The following LMLN variants were observed in gnomAD, a reference collection of about 807,000 sequenced individuals.
LMLN encodes the protein leishmanolysin like peptidase, also known as leishmanolysin-like peptidase.
In LMLN, 70 loss-of-function variants were observed where a neutral mutation model predicts 92.3. That is an observed-to-expected ratio of 0.76 (90% CI 0.63 to 0.92). The LOEUF (loss-of-function observed/expected upper bound fraction) is 0.92, where lower values mean the gene tolerates loss of function less well. Among genes scored for constraint, LMLN ranks in the 40% least tolerant of loss-of-function variants. The pLI is 0.00. For missense variants in LMLN, 691 were observed against 814.6 expected (o/e 0.85, Z 1.85); for synonymous variants, 308 against 296.2 (o/e 1.04, Z -0.41).
exon 16 of LMLN, chr3:198,043,051 A>G (rs1266200997): frequency 6.6e-6 from 1 of 152,112 alleles, no homozygotes; most frequent in Non-Finnish European, 1.5e-5. Flanking sequence ...TCAATATTTG[A>G]AGTTGAAACA....
chr3:197,976,314 C>T (rs1721379359), intron 4 of LMLN: 2 of 487,338 alleles, frequency 4.1e-6, no homozygotes, highest in African/African-American at 4.0e-5. Context: ...GTGAGATGGT[C>T]TACTGAATTT....
At chr3:197,961,430 C>T (rs1304158193) in intron 1 of LMLN, among the ~76,000 whole-genome samples, 2 of 152,178 alleles carry the variant, frequency 1.3e-5, no homozygotes, top group Non-Finnish European at 2.9e-5. Flanking sequence ...ATGTTACATG[C>T]ATACTCTTCA....
In LMLN at chr3:197,990,652, T is replaced by A. The variant is rs1216841863; in HGVS notation, c.1023T>A (p.Tyr341Ter). ...ATAAGATAGTTCGTCACACTGTGTA[T>A]CTCCTGGTAACGCCTCGTGTTGTTG... The change falls in exon 9 of 16, where the codon TAT becomes TAA. Residue 341 changes from tyrosine to a stop codon, truncating the protein, a stop_gained. Coordinates refer to ENST00000330198, the Ensembl canonical transcript of LMLN. LOFTEE classifies it high-confidence loss of function. 2 of 1,584,382 alleles carry A rather than the reference T, an allele frequency of 1.3e-6. No individual in the cohort carries two copies. Among genetic ancestry groups the A allele is most frequent in the South Asian group, 2.2e-5 (2 of 90,432 alleles).
chr3:198,001,804 C>G (rs1722181538), intron 11 of LMLN, among the ~76,000 whole-genome samples: 3 of 151,992 alleles, frequency 2.0e-5, no homozygotes, highest in Non-Finnish European at 4.4e-5. Flanking sequence ...ACTTTCAAGC[C>G]TATTTTTTTC....
intron 1 of LMLN, among the ~76,000 whole-genome samples, chr3:197,965,483 C>G (rs1011635510): frequency 6.6e-6 from 1 of 152,018 alleles, no homozygotes; most frequent in African/African-American, 2.4e-5. Flanking sequence ...TCAAGCAATC[C>G]TCCTGCCTTG....
exon 8 of LMLN, chr3:197,985,834 A>G: frequency 6.2e-7 from 1 of 1,613,882 alleles, no homozygotes. Flanking sequence ...ACCATGATAA[A>G]GATGGAAATC....
At chr3:197,982,731 C>A (rs1243294464) in intron 6 of LMLN, among the ~76,000 whole-genome samples, 2 of 152,134 alleles carry the variant, frequency 1.3e-5, no homozygotes, top group Non-Finnish European at 2.9e-5. Context: ...ATGATAAATA[C>A]TTCATAGAAA....
exon 16 of LMLN, chr3:198,040,927 CT>C: frequency 6.9e-6 from 1 of 145,984 alleles, no homozygotes; most frequent in Non-Finnish European, 1.5e-5. Flanking sequence ...AACCACAACC[CT>C]CGGACAGACT....
At chr3:198,014,811 C>G (rs1406808539) in intron 11 of LMLN, among the ~76,000 whole-genome samples, 3 of 131,454 alleles carry the variant, frequency 2.3e-5, no homozygotes, top group Admixed American at 2.2e-4. Context: ...TCAGAGCCCG[C>G]TAACTAGTCT....
intron 11 of LMLN, among the ~76,000 whole-genome samples, chr3:198,006,404 C>T (rs1018315655): frequency 7.2e-5 from 11 of 152,152 alleles, no homozygotes; most frequent in Admixed American, 3.9e-4. Context: ...TGTGTGTGAA[C>T]ATATATCTTT....
chr3:197,988,294 T>C (rs139114431), intron 8 of LMLN, among the ~76,000 whole-genome samples: 2 of 152,092 alleles, frequency 1.3e-5, no homozygotes, highest in Non-Finnish European at 2.9e-5. Context: ...GTTTTTTTCT[T>C]TGTTGCTTAA....
At chr3:197,980,727 T>C in intron 6 of LMLN, 1 of 409,944 alleles carries the variant, frequency 2.4e-6, no homozygotes, top group Non-Finnish European at 4.3e-6. Flanking sequence ...GAGAGAAAAG[T>C]GAAGCACTTC....
At chr3:198,011,876 G>A (rs1227819604) in intron 11 of LMLN, among the ~76,000 whole-genome samples, 3 of 152,106 alleles carry the variant, frequency 2.0e-5, no homozygotes, top group Admixed American at 6.6e-5. Context: ...TTGACAAATG[G>A]GATCTAATTA....
rs535721589 is a variant in LMLN, at chr3:198,027,280, C to T, written c.1656+2492C>T. Among the ~76,000 whole-genome samples, 392 of 152,176 alleles carry T rather than the reference C, an allele frequency of 2.6e-3. 2 individuals are homozygous for T. Among genetic ancestry groups the T allele is most frequent in the Non-Finnish European group, 4.0e-3 (274 of 67,992 alleles). On this transcript the variant is annotated intron_variant, in intron 14 of 15. Transcript: ENST00000330198. The stretch of plus-strand genomic sequence containing the variant: ...CCACCCCTCCAAACAGATCACCTAC[C>T]TTGCCTCACTTAACGGCTTTAGACG...
Position 197,980,524 on chromosome 3 carries a change from T to C in LMLN, c.728+20T>C. 5 of 1,603,162 alleles carry C rather than the reference T, an allele frequency of 3.1e-6. No homozygotes were observed. The highest frequency in any genetic ancestry group is 4.3e-6 in the Non-Finnish European group (5 of 1,172,756). ...GGACAGGTAATCTTTCCTCCGGGAC[T>C]TAGTTTCCAAGATCTAATGTGGGAA... On this transcript the variant is annotated intron_variant, in intron 6 of 15. Transcript: ENST00000330198.
At chr3:198,030,987 C>A (rs548173720) in intron 14 of LMLN, among the ~76,000 whole-genome samples, 1 of 151,354 alleles carries the variant, frequency 6.6e-6, no homozygotes, top group South Asian at 2.1e-4. Flanking sequence ...CAGCTAGTTT[C>A]CACCGTGACG....
At chr3:198,033,624 A>G (rs369671938) in intron 14 of LMLN, among the ~76,000 whole-genome samples, 59 of 152,044 alleles carry the variant, frequency 3.9e-4, no homozygotes, top group African/African-American at 1.4e-3. Flanking sequence ...CTGGTCTCGA[A>G]CTCCTGACCT....
chr3:198,019,340 G>A lies in LMLN; in HGVS notation c.1320G>A (p.Val440=), dbSNP rs778775265. 1 of 1,614,144 alleles carries A rather than the reference G, an allele frequency of 6.2e-7. No homozygotes were observed. The highest frequency in any genetic ancestry group is 1.1e-5 in the South Asian group (1 of 91,070). Residue 440 remains valine, a synonymous_variant, in exon 12 of 16, where the codon GTG becomes GTA. Transcript: ENST00000330198. The surrounding 1 kb of genome is among the most constrained non-coding windows in gnomAD (Gnocchi z 5.5). Reference sequence around the variant, plus strand: ...GACAGGACCAGAGAGCAGTTGCCGTGTGTAATTTGCAGAAGTTCCCTAAGC... The same window carrying A: ...GACAGGACCAGAGAGCAGTTGCCGTATGTAATTTGCAGAAGTTCCCTAAGC...
chr3:198,013,106 C>T (rs1722499988), intron 11 of LMLN, among the ~76,000 whole-genome samples: 1 of 137,738 alleles, frequency 7.3e-6, no homozygotes, highest in Non-Finnish European at 1.5e-5. Flanking sequence ...CTTCAGAGCC[C>T]CCTAACTAGT....
Sources: gnomAD v4.1 joint callset for allele counts (sites outside exome capture counted in the v4.1 genomes callset) on GRCh38, gnomAD v4.1.1 for gene constraint, Gnocchi (gnomAD v3.1) non-coding constraint, MANE v1.5 for transcripts, NCBI Gene and HGNC (gene_info 2026-07-23, HGNC 2026-07-21) for gene names.